The following SNRPF variants were observed in gnomAD, a reference collection of about 807,000 sequenced individuals.
SNRPF encodes small nuclear ribonucleoprotein polypeptide F.
A neutral mutation model predicts 13.4 loss-of-function variants in SNRPF; 1 was observed. That is an observed-to-expected ratio of 0.07 (90% CI 0.03 to 0.35). The LOEUF is 0.35. Ranked by LOEUF, SNRPF falls within the 10% of genes least tolerant of loss-of-function variation. The pLI is 0.99. For missense variants in SNRPF, 53 were observed against 101.0 expected, an observed-to-expected ratio of 0.52 and a Z score of 2.04; for synonymous variants, 27 against 32.1, an observed-to-expected ratio of 0.84 and a Z score of 0.54.
chr12:95,861,337 G>A (rs762812973), intron 2 of SNRPF, 44 bp downstream of exon 2: 5 of 1,570,366 alleles, frequency 3.2e-6, no homozygotes, highest in African/African-American at 1.4e-5. Flanking sequence ...CATTTATTTT[G>A]CTTCACCTTA....
At chr12:95,860,825 C>A (rs1005830966) in intron 1 of SNRPF, among the ~76,000 whole-genome samples, 1 of 145,320 alleles carries the variant, frequency 6.9e-6, no homozygotes, top group Admixed American at 6.8e-5. Flanking sequence ...ACTGGAATTA[C>A]AGATACGAGC....
At chr12:95,860,311 C>T (rs1429349912) in intron 1 of SNRPF, among the ~76,000 whole-genome samples, 1 of 152,220 alleles carries the variant, frequency 6.6e-6, no homozygotes, top group Non-Finnish European at 1.5e-5. Flanking sequence ...TGTTGCATCA[C>T]TCTTCCCTCC....
intron 2 of SNRPF, among the ~76,000 whole-genome samples, chr12:95,863,026 T>G (rs1005265584): frequency 3.3e-5 from 5 of 151,186 alleles, no homozygotes; most frequent in African/African-American, 1.2e-4. Flanking sequence ...TTAATGGTAG[T>G]AGTTTCCAGG....
chr12:95,865,034 C>A (rs1398136329), intron 2 of SNRPF: 1 of 210,954 alleles, frequency 4.7e-6, no homozygotes, highest in Admixed American at 5.7e-5. Context: ...TAGAGACTGC[C>A]TTCTTCCACA....
intron 2 of SNRPF, chr12:95,861,594 T>A (rs1317665858): frequency 4.2e-6 from 1 of 239,746 alleles, no homozygotes; most frequent in Non-Finnish European, 8.2e-6. Flanking sequence ...ACAAAACATT[T>A]CTCATCATTT....
chr12:95,861,354 A>C, intron 2 of SNRPF, 61 bp downstream of exon 2: 3 of 1,488,194 alleles, frequency 2.0e-6, no homozygotes, highest in Non-Finnish European at 2.8e-6. Flanking sequence ...CTTATTTCTC[A>C]AAGGTTTAGT....
chr12:95,859,664 A>G (rs2079485111), intron 1 of SNRPF, among the ~76,000 whole-genome samples: 1 of 152,146 alleles, frequency 6.6e-6, no homozygotes, highest in Non-Finnish European at 1.5e-5. Flanking sequence ...AGCACAGGGA[A>G]TAGGAGCATA....
At chr12:95,865,472 G>T (rs2079516798) in intron 3 of SNRPF, 84 bp downstream of exon 3, 2 of 610,144 alleles carry the variant, frequency 3.3e-6, no homozygotes, top group South Asian at 2.6e-5. Context: ...CCTCAATTTT[G>T]GAATTACTTT....
intron 2 of SNRPF, among the ~76,000 whole-genome samples, chr12:95,863,853 T>G (rs1323956505): frequency 6.6e-6 from 1 of 152,176 alleles, no homozygotes; most frequent in East Asian, 1.9e-4. Flanking sequence ...AGAAGCATGC[T>G]TGGTGTGTTC....
intron 2 of SNRPF, 27 bp from the exon 3 acceptor site, chr12:95,865,297 T>C (rs2079515752): frequency 8.6e-7 from 1 of 1,157,344 alleles, no homozygotes; most frequent in African/African-American, 1.5e-5. Context: ...TGTGTGATTA[T>C]ACTAATATAT....
intron 1 of SNRPF, among the ~76,000 whole-genome samples, chr12:95,859,659 A>T (rs534510650): frequency 2.0e-5 from 3 of 152,284 alleles, no homozygotes; most frequent in African/African-American, 7.2e-5. Flanking sequence ...TACCGAGCAC[A>T]GGGAATAGGA....
At chr12:95,859,099 G>A in intron 1 of SNRPF, 23 bp downstream of exon 1, 4 of 1,599,868 alleles carry the variant, frequency 2.5e-6, no homozygotes, top group South Asian at 2.2e-5. Context: ...AGAACGGCGG[G>A]AGAAGCGGGG....
At chr12:95,859,406 G>T (rs1437768804) in intron 1 of SNRPF, among the ~76,000 whole-genome samples, 1 of 152,196 alleles carries the variant, frequency 6.6e-6, no homozygotes, top group Non-Finnish European at 1.5e-5. Context: ...TTCATTCCGT[G>T]AAAGTAATGA....
intron 2 of SNRPF, among the ~76,000 whole-genome samples, chr12:95,863,852 C>T (rs2079508350): frequency 1.3e-5 from 2 of 152,124 alleles, no homozygotes; most frequent in Non-Finnish European, 2.9e-5. Flanking sequence ...CAGAAGCATG[C>T]TTGGTGTGTT....
rs1244356134 is a variant in SNRPF, at chr12:95,865,332, T to C, written c.138T>C (p.Asn46=). 6.5e-7 allele frequency: 1 copy of C among 1,533,336 alleles called. No individual in the cohort carries two copies. The highest frequency in any genetic ancestry group is 1.1e-5 in the South Asian group (1 of 88,330). The allele number at this position is 1,533,336 out of a possible 1,614,324, so 95.0% of individuals were successfully genotyped here. A position where few individuals can be genotyped will look rare whatever the true frequency, so the allele number is the denominator to read the frequency against. ...VDGYMNMQLA[N]TEEYIDGALS... ...TTTCTTTTTATTGAAAGCTTGCAAATACAGAAGAATACATAGATGGAGCTT... is the reference window on the plus strand; with the variant it reads ...TTTCTTTTTATTGAAAGCTTGCAAACACAGAAGAATACATAGATGGAGCTT... The change falls in exon 3 of 4, where the codon AAT becomes AAC. Residue 46 remains asparagine, a synonymous_variant. Coordinates refer to ENST00000266735, the MANE Select transcript of SNRPF (RefSeq NM_003095.5).
intron 2 of SNRPF, among the ~76,000 whole-genome samples, chr12:95,862,594 A>G (rs905266180): frequency 2.0e-5 from 3 of 152,142 alleles, no homozygotes; most frequent in Admixed American, 1.3e-4. Flanking sequence ...GTGGGCAGCT[A>G]TATTCCCAGC....
intron 3 of SNRPF, 105 bp downstream of exon 3, chr12:95,865,493 A>C: frequency 1.8e-6 from 1 of 561,238 alleles, no homozygotes; most frequent in South Asian, 3.0e-5. Context: ...TTTTTAAAAA[A>C]TCACTATTAT....
At chr12:95,859,217 C>T (rs1301105143) in intron 1 of SNRPF, 141 bp downstream of exon 1, 8 of 676,166 alleles carry the variant, frequency 1.2e-5, no homozygotes, top group Non-Finnish European at 1.7e-5. Flanking sequence ...TCCTTTCACT[C>T]TGCTTTTAGG....
chr12:95,859,781 G>A (rs2079486093), intron 1 of SNRPF, among the ~76,000 whole-genome samples: 1 of 152,158 alleles, frequency 6.6e-6, no homozygotes. Context: ...AGCAGGCGTT[G>A]GGCAGGACCT....
Sources: allele counts gnomAD v4.1 joint callset (sites outside exome capture counted in the v4.1 genomes callset), GRCh38; gene constraint gnomAD v4.1.1; transcripts MANE v1.5; gene names NCBI Gene and HGNC (gene_info 2026-07-23, HGNC 2026-07-21).